Variants in KCNIP4 observed in about 807,000 individuals in gnomAD.
The protein encoded by KCNIP4 is Kv channel-interacting protein 4.
A neutral mutation model predicts 34.0 loss-of-function variants in KCNIP4; 12 were observed. The observed-to-expected ratio is 0.35, with a 90% CI of 0.23 to 0.57. KCNIP4 has a LOEUF of 0.57. KCNIP4 is among the 20% of genes least tolerant of loss of function. The probability of loss-of-function intolerance (pLI) is 0.83; values close to 1 mark genes in which losing one functional copy is unlikely to be tolerated. For missense variants in KCNIP4, 238 were observed against 311.7 expected (o/e 0.76, Z 1.78); for synonymous variants, 124 against 102.2 (o/e 1.21, Z -1.29).
chr4:21,089,707 T>C (rs1268611059), intron 1 of KCNIP4, among the ~76,000 whole-genome samples: 4 of 152,158 alleles, frequency 2.6e-5, no homozygotes, highest in Non-Finnish European at 5.9e-5. Context: ...CCCTCCTTGG[T>C]CCATGGAGTA....
chr4:21,463,491 G>T (rs1729652996), intron 1 of KCNIP4, among the ~76,000 whole-genome samples: 1 of 151,894 alleles, frequency 6.6e-6, no homozygotes, highest in South Asian at 2.1e-4. Context: ...CATATAAATG[G>T]AATCATAAAA....
intron 1 of KCNIP4, among the ~76,000 whole-genome samples, chr4:21,065,426 C>T (rs980797065): frequency 6.6e-5 from 10 of 152,054 alleles, no homozygotes; most frequent in African/African-American, 2.4e-4. Context: ...AGCCCATCTA[C>T]TCCTACAATT....
intron 1 of KCNIP4, among the ~76,000 whole-genome samples, chr4:20,999,189 C>G (rs1010631669): frequency 4.6e-5 from 7 of 152,112 alleles, no homozygotes; most frequent in African/African-American, 1.4e-4. Context: ...ATAGAGCAAA[C>G]AGTGGTTTCA....
chr4:21,207,308 C>G (rs1756918626), intron 1 of KCNIP4, among the ~76,000 whole-genome samples: 1 of 152,094 alleles, frequency 6.6e-6, no homozygotes, highest in South Asian at 2.1e-4. Context: ...TGGAATGCAT[C>G]TTACAACAAC....
intron 1 of KCNIP4, among the ~76,000 whole-genome samples, chr4:21,204,070 G>T (rs1034796055): frequency 6.6e-6 from 1 of 152,180 alleles, no homozygotes; most frequent in African/African-American, 2.4e-5. Context: ...ATCCTGGAAT[G>T]TGCCCCAGTC....
At position 21,669,612 on chromosome 4, in the gene KCNIP4, A is replaced by G. The variant is rs921622343; in HGVS notation, c.61+278959T>C. Among the ~76,000 whole-genome samples, 4 of 147,374 alleles carry G rather than the reference A, an allele frequency of 2.7e-5. No homozygotes were observed. In the Admixed American group the frequency reaches 2.8e-4, roughly 10 times the overall value. On this transcript the variant is annotated intron_variant, in intron 1 of 8. Transcript: ENST00000382152. ...CTGAGATGGGCACTCCTAAACCCAC[A>G]TTGTTTAGGAGTCAACTGTCTTTTT... is the stretch of plus-strand genomic sequence containing the variant.
At chr4:21,298,327 C>T (rs896751353) in intron 1 of KCNIP4, among the ~76,000 whole-genome samples, 14 of 152,068 alleles carry the variant, frequency 9.2e-5, no homozygotes, top group African/African-American at 3.4e-4. Context: ...CCAATTGATG[C>T]TTGTGTTATG....
chr4:21,507,763 A>T (rs1028269433), intron 1 of KCNIP4, among the ~76,000 whole-genome samples: 7 of 152,182 alleles, frequency 4.6e-5, no homozygotes, highest in Non-Finnish European at 1.0e-4. Flanking sequence ...ATGATGAACT[A>T]ACAGGATAAA....
At chr4:21,937,152 A>G (rs1406126620) in intron 1 of KCNIP4, among the ~76,000 whole-genome samples, 1 of 152,114 alleles carries the variant, frequency 6.6e-6, no homozygotes, top group Non-Finnish European at 1.5e-5. Flanking sequence ...TCTGAAATGG[A>G]TTAAATTTGG....
Position 20,734,752 on chromosome 4 carries a change from A to ATTCAATTT in KCNIP4, c.430-25_430-18dup. 1 of 1,407,078 alleles carries ATTCAATTT rather than the reference A, an allele frequency of 7.1e-7. No homozygotes were observed. The highest frequency in any genetic ancestry group is 9.8e-7 in the Non-Finnish European group (1 of 1,019,550). 87.2% of individuals were successfully genotyped at this position (1,407,078 alleles called of 1,614,324 possible). ...GATGAAATCCTGAAAAGAAATAAAA[A>ATTCAATTT]TTCAATTTTATATGACATTTTTAAA... On this transcript the variant is annotated splice_polypyrimidine_tract_variant and intron_variant, in intron 5 of 8. Transcript: ENST00000382152.
intron 1 of KCNIP4, among the ~76,000 whole-genome samples, chr4:20,980,278 C>T (rs1303390849): frequency 1.3e-5 from 2 of 152,210 alleles, no homozygotes; most frequent in African/African-American, 4.8e-5. Flanking sequence ...GGGTACCCTG[C>T]ACACGTTAGA....
chr4:21,500,696 C>T (rs1270661434), intron 1 of KCNIP4, among the ~76,000 whole-genome samples: 1 of 152,034 alleles, frequency 6.6e-6, no homozygotes, highest in South Asian at 2.1e-4. Context: ...AGTAAAAGTA[C>T]TGTCATAAAT....
chr4:21,695,165 T>C (rs1476807141), intron 1 of KCNIP4, among the ~76,000 whole-genome samples: 2 of 152,088 alleles, frequency 1.3e-5, no homozygotes, highest in Non-Finnish European at 2.9e-5. Flanking sequence ...TCCTAATGAA[T>C]TTTACATTAG....
intron 1 of KCNIP4, among the ~76,000 whole-genome samples, chr4:21,565,542 T>C (rs1241467408): frequency 6.6e-6 from 1 of 152,104 alleles, no homozygotes; most frequent in Non-Finnish European, 1.5e-5. Context: ...ACCTGGCATA[T>C]AGGTACATTG....
At chr4:21,702,958 C>G (rs1712973863) in intron 1 of KCNIP4, among the ~76,000 whole-genome samples, 1 of 147,428 alleles carries the variant, frequency 6.8e-6, no homozygotes, top group Non-Finnish European at 1.5e-5. Flanking sequence ...TTTAAAAAAT[C>G]AAAGTAGTAC....
At chr4:21,618,437 T>G (rs1014491258) in intron 1 of KCNIP4, among the ~76,000 whole-genome samples, 5 of 152,046 alleles carry the variant, frequency 3.3e-5, no homozygotes, top group Admixed American at 3.3e-4. Flanking sequence ...ATGTAGCAGA[T>G]AAGCAAAATA....
intron 1 of KCNIP4, among the ~76,000 whole-genome samples, chr4:21,290,106 A>G (rs924921433): frequency 6.6e-6 from 1 of 152,222 alleles, no homozygotes; most frequent in African/African-American, 2.4e-5. Context: ...AGAAATATTT[A>G]TAGAGATGGC....
At chr4:21,313,828 A>G (rs1199928635) in intron 1 of KCNIP4, among the ~76,000 whole-genome samples, 1 of 152,118 alleles carries the variant, frequency 6.6e-6, no homozygotes, top group African/African-American at 2.4e-5. Context: ...TCAGGATGGC[A>G]CCTCTCTGAA....
chr4:21,942,167 C>T (rs572960237), intron 1 of KCNIP4, among the ~76,000 whole-genome samples: 1 of 152,334 alleles, frequency 6.6e-6, no homozygotes, highest in African/African-American at 2.4e-5. Context: ...GGTGTATATA[C>T]ACTGAATGAC....
Sources: allele counts gnomAD v4.1 joint callset (sites outside exome capture counted in the v4.1 genomes callset), GRCh38; gene constraint gnomAD v4.1.1; transcripts MANE v1.5; gene names NCBI Gene and HGNC (gene_info 2026-07-23, HGNC 2026-07-21).